The following IFNAR1 variants were observed in gnomAD, a reference collection of about 807,000 sequenced individuals.
IFNAR1 encodes the protein interferon alpha and beta receptor subunit 1.
Under a neutral mutation model 62.1 loss-of-function variants are expected in IFNAR1, and 47 were observed. The observed-to-expected ratio is 0.76, with a 90% CI of 0.60 to 0.97. The LOEUF is 0.97. IFNAR1 is among the 50% of genes least tolerant of loss of function. IFNAR1 has a pLI of 0.00. For missense variants in IFNAR1, 638 were observed against 654.5 expected, an observed-to-expected ratio of 0.97 and a Z score of 0.27; for synonymous variants, 219 against 226.9, an observed-to-expected ratio of 0.97 and a Z score of 0.31.
rs763785710 is a variant in IFNAR1, at chr21:33,349,411, T to C, written c.1011T>C (p.Phe337=). 1.2e-6 allele frequency: 2 copies of C among 1,601,996 alleles called. No homozygotes were observed. Among genetic ancestry groups the C allele is most frequent in the Non-Finnish European group, 1.7e-6 (2 of 1,175,978 alleles). Reference sequence around the variant, plus strand: ...TAGCTTTCCTACTTCCTCCAGTCTTTAACATTAGATCCCTTAGTGATTCAT... The same window carrying C: ...TAGCTTTCCTACTTCCTCCAGTCTTCAACATTAGATCCCTTAGTGATTCAT... ...EIQAFLLPPV[F]NIRSLSDSFH... The change falls in exon 8 of 11, where the codon TTT becomes TTC. Residue 337 remains phenylalanine (F), a synonymous_variant. Transcript: ENST00000270139.
At chr21:33,335,844 T>C (rs1268579578) in intron 2 of IFNAR1, among the ~76,000 whole-genome samples, 197 bp downstream of exon 2, 3 of 152,104 alleles carry the variant, frequency 2.0e-5, no homozygotes, top group Admixed American at 2.0e-4. Flanking sequence ...AAGCAAAAAA[T>C]TGGGGATGAG....
rs2083439947 is a variant in IFNAR1, at chr21:33,355,556, A to G, written c.*7A>G. On this transcript the variant is annotated 3_prime_UTR_variant, in exon 11 of 11. Coordinates refer to ENST00000270139, the MANE Select transcript of IFNAR1 (RefSeq NM_000629.3). ...ACAGCAGGACTTTGTATGACCAGAA[A>G]TGAACTGTGTCAAGTATAAGGTTTT... The G allele has an allele frequency of 6.7e-7, 1 of 1,483,648 alleles. No homozygotes were observed. The highest frequency in any genetic ancestry group is 1.4e-5 in the African/African-American group (1 of 71,126). 91.9% of individuals were successfully genotyped at this position (1,483,648 alleles called of 1,614,324 possible). A position where few individuals can be genotyped will look rare whatever the true frequency, so the allele number is the denominator to read the frequency against.
chr21:33,334,209 A>T (rs1290835955), intron 1 of IFNAR1, among the ~76,000 whole-genome samples: 2 of 152,230 alleles, frequency 1.3e-5, no homozygotes, highest in Admixed American at 6.5e-5. Flanking sequence ...AAAGGGAAAG[A>T]TAGACTCCAA....
rs375942471 is a variant in IFNAR1 at position 33,358,841 on chromosome 21, T to TTATATATATA, written c.*3299_*3308dup. The TTATATATATA allele has an allele frequency of 6.7e-6, 1 of 150,104 alleles. No homozygotes were observed. The highest frequency in any genetic ancestry group is 2.5e-5 in the African/African-American group (1 of 40,664). 9.3% of individuals were successfully genotyped at this position (150,104 alleles called of 1,614,324 possible). A position where few individuals can be genotyped will look rare whatever the true frequency, so the allele number is the denominator to read the frequency against. On this transcript the variant is annotated 3_prime_UTR_variant, in exon 11 of 11. Transcript: ENST00000270139. ...TAACATGGCCAGACCCCATCTCTAT[T>TTATATATATA]TATATATATATATATAAAACTTAGA...
At chr21:33,354,395 A>G (rs2083428821) in intron 10 of IFNAR1, among the ~76,000 whole-genome samples, 1 of 152,164 alleles carries the variant, frequency 6.6e-6, no homozygotes, top group Admixed American at 6.5e-5. Flanking sequence ...GACAGTCCCA[A>G]ACTTACGCTG....
chr21:33,341,150 G>T lies in IFNAR1; in HGVS notation c.352G>T (p.Asp118Tyr). ...KENTSSWYEV[D>Y]SFTPFRKAQI... ...AAACACTTCTTCATGGTATGAGGTTGACTCATTTACACCATTTCGCAAAGG... is the reference window on the plus strand; with the variant it reads ...AAACACTTCTTCATGGTATGAGGTTTACTCATTTACACCATTTCGCAAAGG... Residue 118 changes from aspartate to tyrosine, a missense_variant, in exon 3 of 11, where the codon GAC becomes TAC. Transcript: ENST00000270139. 1 of 1,611,424 alleles carries T rather than the reference G, an allele frequency of 6.2e-7. No individual in the cohort carries two copies. Among genetic ancestry groups the T allele is most frequent in the South Asian group, 1.1e-5 (1 of 90,716 alleles).
intron 10 of IFNAR1, among the ~76,000 whole-genome samples, chr21:33,354,215 G>A (rs1728935256): frequency 6.6e-6 from 1 of 152,204 alleles, no homozygotes. Flanking sequence ...GGTGGCACAT[G>A]CCTGTAATCC....
intron 9 of IFNAR1, 142 bp downstream of exon 9, chr21:33,353,050 A>T: frequency 1.9e-6 from 1 of 524,632 alleles, no homozygotes; most frequent in East Asian, 3.2e-5. Flanking sequence ...GAACTACATG[A>T]ATCAAAAGTA....
In IFNAR1 at chr21:33,355,586, C is replaced by A; in HGVS notation, c.*37C>A. ...CTGTGTCAAGTATAAGGTTTTTCAG[C>A]AGGAGTTACACTGGGAGCCTGAGGT... On this transcript the variant is annotated 3_prime_UTR_variant, in exon 11 of 11. Coordinates refer to ENST00000270139, the MANE Select transcript of IFNAR1 (RefSeq NM_000629.3). The A allele has an allele frequency of 2.5e-6, 3 of 1,179,710 alleles. No homozygotes were observed. The highest frequency in any genetic ancestry group is 3.6e-6 in the Non-Finnish European group (3 of 831,370). 73.1% of individuals were successfully genotyped at this position (1,179,710 alleles called of 1,614,324 possible). A position where few individuals can be genotyped will look rare whatever the true frequency, so the allele number is the denominator to read the frequency against.
At chr21:33,349,347 G>GT (rs1365085430) in intron 7 of IFNAR1, 42 bp from the exon 8 acceptor site, 68 of 1,569,570 alleles carry the variant, frequency 4.3e-5, no homozygotes, top group Non-Finnish European at 5.9e-5. Flanking sequence ...TTTTAAAATT[G>GT]TTTTTCTAAT....
intron 2 of IFNAR1, among the ~76,000 whole-genome samples, chr21:33,338,867 C>T (rs137975503): frequency 0.021 from 3,188 of 151,714 alleles, 123 homozygotes; most frequent in African/African-American, 0.074. Context: ...CTCAGCCTCC[C>T]GAGTGCCTGG....
rs2083411924 is a variant in IFNAR1, at chr21:33,352,813, C to A, written c.1199C>A (p.Thr400Asn). ...ACAGTTCCTAATTTGAAACCACTGA[C>A]TGTATATTGTGTGAAAGCCAGAGCA... ...DVTVPNLKPL[T>N]VYCVKARAHT... Residue 400 changes from threonine to asparagine, a missense_variant, in exon 9 of 11, where the codon ACT becomes AAT. Transcript: ENST00000270139. 4 of 1,581,548 alleles carry A rather than the reference C, an allele frequency of 2.5e-6. No individual in the cohort carries two copies. The highest frequency in any genetic ancestry group is 3.5e-6 in the Non-Finnish European group (4 of 1,156,272).
chr21:33,352,961 A>G, intron 9 of IFNAR1, 53 bp downstream of exon 9: 1 of 1,287,724 alleles, frequency 7.8e-7, no homozygotes, highest in Non-Finnish European at 1.1e-6. Flanking sequence ...TAATAAAAGT[A>G]ATTCTATACT....
upstream of IFNAR1, chr21:33,324,417 C>G (rs1216309368): frequency 6.5e-6 from 1 of 153,394 alleles, no homozygotes; most frequent in Non-Finnish European, 1.5e-5. Flanking sequence ...CACACAGCAA[C>G]GGTCTGGTCG....
At chr21:33,349,648 G>A in intron 8 of IFNAR1, 105 bp downstream of exon 8, 1 of 818,986 alleles carries the variant, frequency 1.2e-6, no homozygotes, top group Non-Finnish European at 1.9e-6. Context: ...AACTTTATGT[G>A]GGCTGGATGC....
Position 33,345,296 on chromosome 21 carries a change from C to T in IFNAR1, c.724C>T (p.Gln242Ter). 6.2e-7 allele frequency: 1 copy of T among 1,607,580 alleles called. No homozygotes were observed. Reference protein sequence around the residue: ...PENIEVSVQNQNYVLKWDYTY... With the variant: ...PENIEVSVQN ...AAATATAGAAGTCAGTGTCCAAAAT[C>T]AGAACTATGTTCTTAAATGGGATTA... The change falls in exon 6 of 11, where the codon CAG becomes TAG. Residue 242 changes from glutamine (Q) to a stop codon, truncating the protein, a stop_gained. Transcript: ENST00000270139. LOFTEE classifies it high-confidence loss of function.
At chr21:33,326,212 C>CTTTT (rs3989181) in intron 1 of IFNAR1, among the ~76,000 whole-genome samples, 63 of 138,336 alleles carry the variant, frequency 4.6e-4, no homozygotes, top group Admixed American at 2.5e-3. Flanking sequence ...TTTATTTATA[C>CTTTT]TTTTTTTTTT....
Position 33,355,636 on chromosome 21 carries a change from A to G in IFNAR1, c.*87A>G, listed in dbSNP as rs2083440807. On this transcript the variant is annotated 3_prime_UTR_variant, in exon 11 of 11. Coordinates refer to ENST00000270139, the MANE Select transcript of IFNAR1 (RefSeq NM_000629.3). Reference sequence around the variant, plus strand: ...TCCTCACCTTCCTCTCAGTAACTACAGAGAGGACGTTTCCCTGTTTAGGGA... The same window carrying G: ...TCCTCACCTTCCTCTCAGTAACTACGGAGAGGACGTTTCCCTGTTTAGGGA... The G allele has an allele frequency of 4.6e-6, 3 of 647,838 alleles. No individual in the cohort carries two copies. Among genetic ancestry groups the G allele is most frequent in the East Asian group, 5.5e-5 (2 of 36,056 alleles). The allele number at this position is 647,838 out of a possible 1,614,324, so 40.1% of individuals were successfully genotyped here.
In IFNAR1 at chr21:33,333,620, TTTTTTC is replaced by T. The variant is rs1408025862; in HGVS notation, c.77-1898_77-1893del. Among the ~76,000 whole-genome samples the T allele has an allele frequency of 2.0e-4, 26 of 132,296 alleles. 2 individuals are homozygous for T. Among genetic ancestry groups the T allele is most frequent in the Admixed American group, 6.8e-4 (9 of 13,250 alleles). The allele number at this position is 132,296 out of a possible 152,430, so 86.8% of individuals were successfully genotyped here. A position where few individuals can be genotyped will look rare whatever the true frequency, so the allele number is the denominator to read the frequency against. ...TTAAAGAGACTGGCGGAATATTTTT[TTTTTTC>T]TTTTTTTTTTTTTTTGAGACGGAGT... is the stretch of plus-strand genomic sequence containing the variant. On this transcript the variant is annotated intron_variant, in intron 1 of 10. Transcript: ENST00000270139.
Sources: allele counts gnomAD v4.1 joint callset (sites outside exome capture counted in the v4.1 genomes callset), GRCh38; gene constraint gnomAD v4.1.1; transcripts MANE v1.5; gene names NCBI Gene and HGNC (gene_info 2026-07-23, HGNC 2026-07-21).